The following ADA2 variants were observed in gnomAD, a reference collection of about 807,000 sequenced individuals.
ADA2 encodes adenosine deaminase 2.
Under a neutral mutation model 44.2 loss-of-function variants are expected in ADA2, and 29 were observed. That is an observed-to-expected ratio of 0.66 (90% CI 0.49 to 0.89). The LOEUF is 0.89. ADA2 is among the 40% of genes least tolerant of loss of function. ADA2 has a pLI of 0.00. For missense variants in ADA2, 637 were observed against 644.8 expected, an observed-to-expected ratio of 0.99 and a Z score of 0.13; for synonymous variants, 215 against 234.9, an observed-to-expected ratio of 0.92 and a Z score of 0.77.
chr22:17,203,369 G>C (rs766373802), intron 4 of ADA2, among the ~76,000 whole-genome samples, 194 bp downstream of exon 4: 17 of 152,116 alleles, frequency 1.1e-4, no homozygotes, highest in Non-Finnish European at 2.2e-4. Flanking sequence ...CACGGAATGT[G>C]TTCCCAGTTT....
chr22:17,183,975 T>TTTC (rs386394909), intron 7 of ADA2, among the ~76,000 whole-genome samples: 7 of 144,004 alleles, frequency 4.9e-5, no homozygotes, highest in African/African-American at 1.8e-4. Context: ...TTTTTTTTTT[T>TTTC]TGAGATGGAG....
At chr22:17,214,721 G>A (rs1482676911) in intron 1 of ADA2, among the ~76,000 whole-genome samples, 1 of 152,222 alleles carries the variant, frequency 6.6e-6, no homozygotes, top group East Asian at 1.9e-4. Context: ...CACAGCCTGG[G>A]TGGCAGAACA....
chr22:17,200,713 C>A (rs1296093542), intron 4 of ADA2, among the ~76,000 whole-genome samples: 1 of 151,780 alleles, frequency 6.6e-6, no homozygotes, highest in Non-Finnish European at 1.5e-5. Flanking sequence ...AAAACCCTGT[C>A]TCTACTAATA....
chr22:17,191,200 C>T (rs560165165), intron 5 of ADA2, among the ~76,000 whole-genome samples: 1 of 152,176 alleles, frequency 6.6e-6, no homozygotes, highest in Non-Finnish European at 1.5e-5. Context: ...GGTCTTTCAC[C>T]CACGTGCCAG....
chr22:17,200,896 A>AG (rs2062274867), intron 4 of ADA2, among the ~76,000 whole-genome samples: 1 of 151,456 alleles, frequency 6.6e-6, no homozygotes, highest in Admixed American at 6.6e-5. Flanking sequence ...AAAAAAAAAA[A>AG]CATATCTAAG....
chr22:17,195,524 G>A (rs12157366), intron 4 of ADA2, among the ~76,000 whole-genome samples: 79,720 of 150,330 alleles, frequency 0.53, 21,818 homozygotes, highest in East Asian at 0.83. Flanking sequence ...GCAAGACTCC[G>A]TCTCAAAAAA....
chr22:17,184,390 T>TG (rs987735651), intron 7 of ADA2, among the ~76,000 whole-genome samples: 4 of 152,234 alleles, frequency 2.6e-5, no homozygotes, highest in African/African-American at 9.6e-5. Context: ...TGGGGAGCTT[T>TG]GGGGGATTCC....
intron 4 of ADA2, 28 bp from the exon 5 acceptor site, chr22:17,191,838 T>G: frequency 6.2e-7 from 1 of 1,601,488 alleles, no homozygotes; most frequent in East Asian, 2.2e-5. Context: ...CCAGGAGCCG[T>G]CAGGTGAGCA....
At chr22:17,185,641 C>T (rs1414279569) in intron 7 of ADA2, among the ~76,000 whole-genome samples, 5 of 152,098 alleles carry the variant, frequency 3.3e-5, no homozygotes, top group East Asian at 1.9e-4. Context: ...ACAACACCCT[C>T]GCCCAACCCC....
At position 17,203,564 on chromosome 22, in the gene ADA2, G is replaced by C; in HGVS notation, c.752C>G (p.Pro251Arg). ...AACAGAGAGGAGAGCTGGGCTCACC[G>C]GCAGCAGCCTGGCTCTGATCTCCAT... ...LYMEIRARLL[P>R]VYELSGEHHD... is the part of the protein sequence containing the mutation. Residue 251 changes from proline to arginine, a missense_variant and splice_region_variant, in exon 4 of 10, where the codon CCG (proline) becomes CGG (arginine). Pro to Arg is a moderately radical substitution (Grantham distance 103, BLOSUM62 -2). Transcript: ENST00000399837. 1 of 1,611,108 alleles carries C rather than the reference G, an allele frequency of 6.2e-7. No individual in the cohort carries two copies. Among genetic ancestry groups the C allele is most frequent in the Non-Finnish European group, 8.5e-7 (1 of 1,178,874 alleles).
chr22:17,208,839 T>G (rs901988022), intron 2 of ADA2, among the ~76,000 whole-genome samples: 4 of 150,170 alleles, frequency 2.7e-5, no homozygotes, highest in African/African-American at 9.8e-5. Flanking sequence ...AAAATTAACA[T>G]TTTTTGGGGA....
At chr22:17,183,653 G>T (rs2062000482) in intron 7 of ADA2, among the ~76,000 whole-genome samples, 1 of 150,938 alleles carries the variant, frequency 6.6e-6, no homozygotes, top group Admixed American at 6.6e-5. Flanking sequence ...GTAGAGACGG[G>T]GTTTCACCAT....
intron 8 of ADA2, 121 bp from the exon 9 acceptor site, chr22:17,182,143 A>AC: frequency 5.3e-6 from 4 of 749,832 alleles, no homozygotes; most frequent in Non-Finnish European, 6.5e-6. Context: ...TCTCCCCAGT[A>AC]TGGGGATGAC....
intron 4 of ADA2, among the ~76,000 whole-genome samples, chr22:17,194,672 C>T (rs1251668328): frequency 6.6e-6 from 1 of 152,058 alleles, no homozygotes; most frequent in Non-Finnish European, 1.5e-5. Context: ...GACTGCCTGA[C>T]CTGGCACAGC....
intron 4 of ADA2, chr22:17,193,179 A>T: frequency 7.2e-7 from 1 of 1,394,782 alleles, no homozygotes; most frequent in Non-Finnish European, 1.0e-6. Context: ...CTGATGTGCA[A>T]CAATCTCCCT....
chr22:17,216,721 C>T (rs549625738), intron 1 of ADA2, among the ~76,000 whole-genome samples: 3 of 150,310 alleles, frequency 2.0e-5, no homozygotes, highest in African/African-American at 7.4e-5. Flanking sequence ...GTTCGTGCCA[C>T]TGCACTCCAG....
chr22:17,202,190 CACA>C (rs1045578563), intron 4 of ADA2, among the ~76,000 whole-genome samples: 1 of 151,256 alleles, frequency 6.6e-6, no homozygotes, highest in Admixed American at 6.6e-5. Flanking sequence ...AGTGCAATGA[CACA>C]ATCTCTGCTC....
intron 3 of ADA2, among the ~76,000 whole-genome samples, chr22:17,204,102 A>G (rs1166770318): frequency 6.6e-6 from 1 of 152,060 alleles, no homozygotes; most frequent in East Asian, 1.9e-4. Context: ...TTCTAGACCA[A>G]AAAGCTCTCT....
At chr22:17,199,861 C>T in intron 4 of ADA2, 2 of 873,596 alleles carry the variant, frequency 2.3e-6, no homozygotes, top group Non-Finnish European at 1.6e-6. Context: ...GGTGTATTTG[C>T]CTGAGCTCAG....
Sources: allele counts gnomAD v4.1 joint callset (sites outside exome capture counted in the v4.1 genomes callset), GRCh38; gene constraint gnomAD v4.1.1; transcripts MANE v1.5; gene names NCBI Gene and HGNC (gene_info 2026-07-23, HGNC 2026-07-21).